The following TTC34 variants were observed in gnomAD, a reference collection of about 807,000 sequenced individuals.
TTC34 encodes the protein tetratricopeptide repeat protein 34.
TTC34 carries 44 observed loss-of-function variants against 40.7 expected under a neutral mutation model. That is an observed-to-expected ratio of 1.08 (90% CI 0.85 to 1.39). TTC34 has a LOEUF of 1.39. TTC34 is among the 40% of genes most tolerant of loss of function. TTC34 has a pLI of 0.00. For synonymous variants in TTC34, 422 were observed against 398.6 expected, an observed-to-expected ratio of 1.06 and a Z score of -0.70; for missense variants, 884 against 838.0, an observed-to-expected ratio of 1.05 and a Z score of -0.68.
exon 9 of TTC34, chr1:2,641,496 C>T (rs1638901703): frequency 2.0e-6 from 3 of 1,535,676 alleles, no homozygotes; most frequent in South Asian, 1.2e-5. Flanking sequence ...TGACGCTGCT[C>T]CTCCAGGCAG....
chr1:2,644,097 C>T (rs150978259), intron 8 of TTC34, among the ~76,000 whole-genome samples, 167 bp downstream of exon 8: 71 of 152,358 alleles, frequency 4.7e-4, no homozygotes, highest in East Asian at 1.5e-3. Context: ...GGCCAGAGAC[C>T]GTCTTCCTGG....
chr1:2,641,470 C>A, exon 9 of TTC34: 1 of 1,535,666 alleles, frequency 6.5e-7, no homozygotes, highest in Non-Finnish European at 8.7e-7. Flanking sequence ...TCTCTACCGC[C>A]GTCCAGGCCT....
At chr1:2,690,253 CCTG>C (rs1640556383) in intron 6 of TTC34, among the ~76,000 whole-genome samples, 1 of 143,666 alleles carries the variant, frequency 7.0e-6, no homozygotes, top group Non-Finnish European at 1.5e-5. Flanking sequence ...GGAACAGCAC[CCTG>C]CACACCCAGG....
chr1:2,699,210 C>A (rs201572895), intron 6 of TTC34, among the ~76,000 whole-genome samples: 46 of 140,578 alleles, frequency 3.3e-4, no homozygotes, highest in South Asian at 9.1e-4. Context: ...AGCACCCACA[C>A]CCCCAGGTGA....
intron 6 of TTC34, among the ~76,000 whole-genome samples, chr1:2,699,554 G>T (rs1176872597): frequency 1.9e-4 from 25 of 132,658 alleles, no homozygotes; most frequent in Admixed American, 3.9e-4. Context: ...GCATCTGACA[G>T]CCTGGAGCAG....
At chr1:2,769,636 G>A (rs199671872) in intron 6 of TTC34, among the ~76,000 whole-genome samples, 7 of 127,158 alleles carry the variant, frequency 5.5e-5, no homozygotes, top group African/African-American at 2.3e-4. Flanking sequence ...CACACCCCCA[G>A]GTGAGCATCT....
At chr1:2,652,858 C>T (rs1570754893) in intron 6 of TTC34, among the ~76,000 whole-genome samples, 5 of 151,628 alleles carry the variant, frequency 3.3e-5, no homozygotes, top group African/African-American at 1.2e-4. Context: ...CCCAGGTGAG[C>T]ATCTGATGGT....
chr1:2,750,227 T>G (rs1170463672), intron 6 of TTC34, among the ~76,000 whole-genome samples: 101 of 147,502 alleles, frequency 6.8e-4, no homozygotes, highest in African/African-American at 1.1e-3. Flanking sequence ...TCTGATGGTC[T>G]GGAGCAGCAC....
At chr1:2,642,160 G>A (rs1311442457) in intron 8 of TTC34, among the ~76,000 whole-genome samples, 1 of 152,188 alleles carries the variant, frequency 6.6e-6, no homozygotes, top group Non-Finnish European at 1.5e-5. Context: ...TCCGACCCTT[G>A]GCCCAAGGCC....
In TTC34 at chr1:2,767,955, A is replaced by G. The variant is rs540596850; in HGVS notation, c.2226+15654T>C. 3.0e-3 allele frequency among the ~76,000 whole-genome samples: 442 copies of G among 148,256 alleles called. 10 individuals carry two copies. The highest frequency in any genetic ancestry group is 9.1e-3 in the African/African-American group (371 of 40,576). ...CCAAGGTGGGCATCCGATGGCATGG[A>G]ACAGCACCCCCACTCACAGGTGATG... On this transcript the variant is annotated intron_variant, in intron 6 of 8. Coordinates refer to ENST00000401095, the Ensembl canonical transcript of TTC34.
intron 6 of TTC34, among the ~76,000 whole-genome samples, chr1:2,698,544 GGC>G: frequency 3.0e-5 from 3 of 100,350 alleles, no homozygotes; most frequent in Admixed American, 9.8e-5. Flanking sequence ...GTGAGCATCG[GGC>G]AGCCTGGAGC....
chr1:2,780,563 C>T lies in TTC34; in HGVS notation c.2226+3046G>A, dbSNP rs558471331. Among the ~76,000 whole-genome samples the T allele has an allele frequency of 9.9e-5, 15 of 152,238 alleles. No homozygotes were observed. In the South Asian group the frequency reaches 2.9e-3, roughly 30 times the overall value. Reference sequence around the variant, plus strand: ...GAATGGTCTTGGTCAAATCATTTGACCATCTATGGGAGGGTTCATTTCTGG... The same window carrying T: ...GAATGGTCTTGGTCAAATCATTTGATCATCTATGGGAGGGTTCATTTCTGG... On this transcript the variant is annotated intron_variant, in intron 6 of 8. Coordinates refer to ENST00000401095, the Ensembl canonical transcript of TTC34.
intron 6 of TTC34, among the ~76,000 whole-genome samples, chr1:2,694,612 C>G (rs1396180588): frequency 9.5e-5 from 7 of 73,858 alleles, no homozygotes; most frequent in Non-Finnish European, 2.4e-4. Context: ...CATCTGAAAC[C>G]ACGGAGCAGC....
At chr1:2,686,691 G>A (rs200477877) in intron 6 of TTC34, among the ~76,000 whole-genome samples, 6,693 of 47,110 alleles carry the variant, frequency 0.14, 1 homozygote, top group Admixed American at 0.2. Context: ...ACCCCCAGGT[G>A]CGCACGTGAC....
At chr1:2,694,906 CCACACACTCA>C in intron 6 of TTC34, among the ~76,000 whole-genome samples, 1 of 127,922 alleles carries the variant, frequency 7.8e-6, no homozygotes, top group African/African-American at 2.9e-5. Context: ...GGAACAGCAC[CCACACACTCA>C]CGCGAGCACC....
intron 6 of TTC34, among the ~76,000 whole-genome samples, chr1:2,778,352 C>T (rs558707097): frequency 1.3e-5 from 2 of 152,236 alleles, no homozygotes; most frequent in Non-Finnish European, 2.9e-5. Flanking sequence ...GCAGCCCCCA[C>T]AGAGAAAGTG....
intron 6 of TTC34, among the ~76,000 whole-genome samples, chr1:2,684,500 T>G (rs1465992944): frequency 2.2e-5 from 3 of 135,054 alleles, no homozygotes; most frequent in Admixed American, 2.2e-4. Flanking sequence ...TCTGATGGCC[T>G]GGAACGGCAC....
chr1:2,687,927 G>T (rs1182052931), intron 6 of TTC34, among the ~76,000 whole-genome samples: 46 of 94,640 alleles, frequency 4.9e-4, no homozygotes, highest in African/African-American at 1.9e-3. Flanking sequence ...GCACCCACAC[G>T]CCCAGGTGAG....
chr1:2,769,751 C>T (rs1430440505), intron 6 of TTC34, among the ~76,000 whole-genome samples: 23 of 143,276 alleles, frequency 1.6e-4, no homozygotes, highest in East Asian at 4.1e-4. Context: ...AGCGCCCACA[C>T]CCCCAGGTGA....
Sources: gnomAD v4.1 joint callset for allele counts (sites outside exome capture counted in the v4.1 genomes callset) on GRCh38, gnomAD v4.1.1 for gene constraint, MANE v1.5 for transcripts, NCBI Gene and HGNC (gene_info 2026-07-23, HGNC 2026-07-21) for gene names.